TBC1D19: variants seen among roughly 807,000 people sequenced by gnomAD.
TBC1D19 encodes the protein TBC1 domain family, member 19.
Under a neutral mutation model 89.0 loss-of-function variants are expected in TBC1D19, and 60 were observed. The ratio of observed to expected loss-of-function variants is 0.67; its 90% CI spans 0.55 to 0.84. The LOEUF (loss-of-function observed/expected upper bound fraction) is 0.84, where lower values mean the gene tolerates loss of function less well. Ranked by LOEUF, TBC1D19 falls within the 40% of genes least tolerant of loss-of-function variation. The pLI is 0.00. For missense variants in TBC1D19, 500 were observed against 610.8 expected, an observed-to-expected ratio of 0.82 and a Z score of 1.91; for synonymous variants, 189 against 199.7, an observed-to-expected ratio of 0.95 and a Z score of 0.45.
intron 13 of TBC1D19, among the ~76,000 whole-genome samples, chr4:26,714,543 C>A (rs1716453454): frequency 6.6e-6 from 1 of 151,978 alleles, no homozygotes; most frequent in Non-Finnish European, 1.5e-5. Context: ...TTTAGTTTTC[C>A]TCTTACTTTT....
intron 13 of TBC1D19, among the ~76,000 whole-genome samples, chr4:26,710,257 C>T (rs1370216582): frequency 1.3e-5 from 2 of 152,032 alleles, no homozygotes; most frequent in African/African-American, 4.8e-5. Flanking sequence ...GTTCAATTCC[C>T]ACCTATGAGT....
intron 7 of TBC1D19, among the ~76,000 whole-genome samples, chr4:26,649,008 G>T (rs1744145211): frequency 6.6e-6 from 1 of 151,346 alleles, no homozygotes; most frequent in Admixed American, 6.6e-5. Context: ...TTATTTTTCT[G>T]TTACTCATGT....
At chr4:26,766,424 G>C in the TBC1D19 span, among the ~76,000 whole-genome samples, 1 of 152,150 alleles carries the variant, frequency 6.6e-6, no homozygotes, top group Non-Finnish European at 1.5e-5. Context: ...ACAATACCTT[G>C]GTTGACCTTC....
At chr4:26,740,652 C>CT (rs1427437421) in intron 17 of TBC1D19, 2 of 985,148 alleles carry the variant, frequency 2.0e-6, no homozygotes, top group Non-Finnish European at 2.4e-6. Flanking sequence ...ATAAACCTGA[C>CT]TAAGAGCAGT....
the TBC1D19 span, among the ~76,000 whole-genome samples, chr4:26,828,031 T>G: frequency 6.6e-6 from 1 of 152,204 alleles, no homozygotes; most frequent in Non-Finnish European, 1.5e-5. Context: ...ATGGAAACTG[T>G]CCAGAACCGC....
upstream of TBC1D19, among the ~76,000 whole-genome samples, chr4:26,579,086 T>C (rs1308408206): frequency 2.6e-5 from 4 of 152,206 alleles, no homozygotes; most frequent in South Asian, 6.2e-4. Context: ...GCCACCTAGA[T>C]AAGTACTATA....
intron 5 of TBC1D19, among the ~76,000 whole-genome samples, chr4:26,637,750 A>G (rs1032919599): frequency 6.6e-6 from 1 of 152,176 alleles, no homozygotes; most frequent in Admixed American, 6.5e-5. Context: ...GGTATATTCT[A>G]TATGGATTTC....
chr4:26,791,873 A>G, the TBC1D19 span, among the ~76,000 whole-genome samples: 21 of 152,296 alleles, frequency 1.4e-4, no homozygotes, highest in Admixed American at 4.6e-4. Context: ...ATGCAGTTGG[A>G]TCAGGGGAAA....
intron 3 of TBC1D19, among the ~76,000 whole-genome samples, chr4:26,619,835 T>A (rs1284237000): frequency 1.3e-5 from 2 of 152,306 alleles, no homozygotes; most frequent in African/African-American, 4.8e-5. Context: ...CAGATGCAAG[T>A]GGTTTTGAAA....
intron 13 of TBC1D19, among the ~76,000 whole-genome samples, chr4:26,705,084 A>G (rs1217534490): frequency 6.6e-6 from 1 of 151,762 alleles, no homozygotes; most frequent in Non-Finnish European, 1.5e-5. Context: ...AAAAATGTCT[A>G]TTGAAGTCCT....
At chr4:26,760,008 G>A (rs575976272), downstream of TBC1D19, among the ~76,000 whole-genome samples, 16 of 152,236 alleles carry the variant, frequency 1.1e-4, no homozygotes, top group Admixed American at 2.6e-4. Flanking sequence ...GTGTAAGCAC[G>A]TGTTTAACTT....
At chr4:26,643,814 C>T (rs1005906457) in intron 7 of TBC1D19, among the ~76,000 whole-genome samples, 13 of 152,156 alleles carry the variant, frequency 8.5e-5, no homozygotes, top group African/African-American at 2.9e-4. Context: ...CACAAATAAA[C>T]TAGAAAATCT....
the TBC1D19 span, among the ~76,000 whole-genome samples, chr4:26,776,231 A>G: frequency 1.3e-5 from 2 of 152,154 alleles, no homozygotes; most frequent in African/African-American, 4.8e-5. Context: ...GCTCAGAGGT[A>G]ATTTCAAATT....
At chr4:26,841,484 C>A in the TBC1D19 span, among the ~76,000 whole-genome samples, 5 of 151,982 alleles carry the variant, frequency 3.3e-5, no homozygotes, top group African/African-American at 1.2e-4. Context: ...GTTGCAATAT[C>A]CTTGGGATTG....
chr4:26,832,971 A>G, the TBC1D19 span, among the ~76,000 whole-genome samples: 1 of 152,130 alleles, frequency 6.6e-6, no homozygotes, highest in Non-Finnish European at 1.5e-5. Context: ...TCTGGCCTGG[A>G]TGAGAGAGCA....
At chr4:26,676,726 A>G (rs1338678578) in intron 11 of TBC1D19, among the ~76,000 whole-genome samples, 1 of 152,070 alleles carries the variant, frequency 6.6e-6, no homozygotes, top group Non-Finnish European at 1.5e-5. Context: ...CAAAAAAAAA[A>G]AAAAAAAGAA....
upstream of TBC1D19, among the ~76,000 whole-genome samples, chr4:26,583,660 T>C (rs533522427): frequency 1.2e-4 from 19 of 152,318 alleles, no homozygotes; most frequent in African/African-American, 4.6e-4. Context: ...GATTTTTACC[T>C]CAGCTAATCA....
At chr4:26,792,100 C>G in the TBC1D19 span, among the ~76,000 whole-genome samples, 1 of 152,034 alleles carries the variant, frequency 6.6e-6, no homozygotes, top group East Asian at 1.9e-4. Context: ...ATGTAATGTC[C>G]TGGAAGTCAA....
chr4:26,778,415 C>CA, the TBC1D19 span, among the ~76,000 whole-genome samples: 1 of 115,726 alleles, frequency 8.6e-6, no homozygotes, highest in Non-Finnish European at 1.7e-5. Context: ...GACTCCATCT[C>CA]AAAAAAAAGA....
Sources: gnomAD v4.1 joint callset for allele counts (sites outside exome capture counted in the v4.1 genomes callset) on GRCh38, gnomAD v4.1.1 for gene constraint, MANE v1.5 for transcripts, NCBI Gene and HGNC (gene_info 2026-07-23, HGNC 2026-07-21) for gene names.